ZNF354C: variants seen among roughly 807,000 people sequenced by gnomAD.
The protein encoded by ZNF354C is zinc finger protein 354C, also known as KRAB-zinc finger protein synten.
ZNF354C carries 7 observed loss-of-function variants against 12.4 expected under a neutral mutation model. The ratio of observed to expected loss-of-function variants is 0.56; its 90% CI spans 0.32 to 1.06. The LOEUF is 1.06. ZNF354C is among the 50% of genes least tolerant of loss of function. ZNF354C has a pLI of 0.04. For missense variants in ZNF354C, 609 were observed against 658.0 expected (o/e 0.93, Z 0.81); for synonymous variants, 202 against 224.5 (o/e 0.90, Z 0.90).
chr5:179,076,065 C>T (rs967042804), intron 2 of ZNF354C, among the ~76,000 whole-genome samples: 12 of 152,146 alleles, frequency 7.9e-5, no homozygotes, highest in Non-Finnish European at 1.6e-4. Flanking sequence ...CCCTTTTCAC[C>T]GTCTAGTGGT....
At chr5:179,077,268 G>C (rs191067555) in intron 4 of ZNF354C, 102 bp downstream of exon 4, 2 of 867,622 alleles carry the variant, frequency 2.3e-6, no homozygotes, top group Middle Eastern at 2.2e-4. Flanking sequence ...GAGTCCTCTT[G>C]AGATGCTCAG....
At chr5:179,071,900 T>G (rs1762057550) in intron 2 of ZNF354C, among the ~76,000 whole-genome samples, 1 of 152,084 alleles carries the variant, frequency 6.6e-6, no homozygotes, top group African/African-American at 2.4e-5. Context: ...TGCTGCCCAC[T>G]AGAGAGGTGG....
chr5:179,061,149 C>G (rs1047439816), intron 1 of ZNF354C, among the ~76,000 whole-genome samples: 1 of 152,258 alleles, frequency 6.6e-6, no homozygotes, highest in African/African-American at 2.4e-5. Flanking sequence ...CTGGTCGAGG[C>G]ACCCGCTGGA....
At position 179,080,290 on chromosome 5, in the gene ZNF354C, C is replaced by T. The variant is rs1762209632; in HGVS notation, c.*193C>T. On this transcript the variant is annotated 3_prime_UTR_variant, in exon 5 of 5. Transcript: ENST00000315475. ...TTAAATTTTAAAAGAACCATAAATT[C>T]TAAGGTATCTAAAAACCTATGAGTA... 1 of 376,894 alleles carries T rather than the reference C, an allele frequency of 2.7e-6. No individual in the cohort carries two copies. Among genetic ancestry groups the T allele is most frequent in the Non-Finnish European group, 4.7e-6 (1 of 212,598 alleles). The allele number at this position is 376,894 out of a possible 1,614,324, so 23.3% of individuals were successfully genotyped here.
rs1456991762 is a variant in ZNF354C at position 179,082,384 on chromosome 5, A to G, written c.*2287A>G. ...CTAGACTTATCTTCCTGTTTAAAGA[A>G]ATACAGGAATAGAGGAACAAGTTGA... On this transcript the variant is annotated 3_prime_UTR_variant, in exon 5 of 5. Coordinates refer to ENST00000315475, the MANE Select transcript of ZNF354C (RefSeq NM_014594.3). 1 of 312,626 alleles carries G rather than the reference A, an allele frequency of 3.2e-6. No individual in the cohort carries two copies. Among genetic ancestry groups the G allele is most frequent in the East Asian group, 6.9e-5 (1 of 14,542 alleles). The allele number at this position is 312,626 out of a possible 1,614,324, so 19.4% of individuals were successfully genotyped here.
At chr5:179,076,297 C>T (rs1762120170) in intron 2 of ZNF354C, 148 bp from the exon 3 acceptor site, 5 of 1,133,272 alleles carry the variant, frequency 4.4e-6, no homozygotes, top group Non-Finnish European at 6.4e-6. Context: ...AATTAAATAG[C>T]TAATGGGTGG....
chr5:179,068,346 G>T (rs1448207749), intron 2 of ZNF354C, among the ~76,000 whole-genome samples: 1 of 152,110 alleles, frequency 6.6e-6, no homozygotes, highest in Non-Finnish European at 1.5e-5. Context: ...GTGTTCTTTT[G>T]CATCCTTTCT....
intron 2 of ZNF354C, among the ~76,000 whole-genome samples, chr5:179,064,510 G>A (rs1282580542): frequency 6.6e-6 from 1 of 151,868 alleles, no homozygotes; most frequent in Admixed American, 6.6e-5. Flanking sequence ...TCCGCCTCCC[G>A]GGTTCACGCC....
intron 2 of ZNF354C, among the ~76,000 whole-genome samples, chr5:179,074,853 T>C (rs191163216): frequency 9.5e-4 from 144 of 152,318 alleles, no homozygotes; most frequent in African/African-American, 3.3e-3. Flanking sequence ...TTGCATTCTA[T>C]GTGAAACGAT....
In ZNF354C at chr5:179,077,075, T is replaced by A; in HGVS notation, c.159T>A (p.Ile53=). 6.2e-7 allele frequency: 1 copy of A among 1,614,136 alleles called. No individual in the cohort carries two copies. The highest frequency in any genetic ancestry group is 8.5e-7 in the Non-Finnish European group (1 of 1,179,976). The change falls in exon 4 of 5, where the codon ATT becomes ATA. Residue 53 remains isoleucine (I), a synonymous_variant. Coordinates refer to ENST00000315475, the MANE Select transcript of ZNF354C (RefSeq NM_014594.3). The part of the protein sequence containing the change: ...ENYSSLVSLG[I]PFSMPKLIHQ... Reference sequence around the variant, plus strand: ...CATTTGCTTCCTCATGAGCAGGGATTCCATTTTCAATGCCAAAGTTGATTC... The same window carrying A: ...CATTTGCTTCCTCATGAGCAGGGATACCATTTTCAATGCCAAAGTTGATTC...
At chr5:179,075,238 G>A (rs895179421) in intron 2 of ZNF354C, among the ~76,000 whole-genome samples, 8 of 150,048 alleles carry the variant, frequency 5.3e-5, no homozygotes, top group Admixed American at 1.3e-4. Flanking sequence ...TAGCCTGGGC[G>A]ACAGAGTGAG....
intron 2 of ZNF354C, among the ~76,000 whole-genome samples, chr5:179,075,560 T>C (rs931827988): frequency 5.3e-5 from 8 of 152,204 alleles, no homozygotes; most frequent in African/African-American, 1.9e-4. Flanking sequence ...AAGTAATAAG[T>C]GAAAGATTGC....
At position 179,082,399 on chromosome 5, in the gene ZNF354C, G is replaced by C. The variant is rs189871775; in HGVS notation, c.*2302G>C. 2 of 353,312 alleles carry C rather than the reference G, an allele frequency of 5.7e-6. No homozygotes were observed. The highest frequency in any genetic ancestry group is 1.1e-4 in the East Asian group (2 of 17,500). 21.9% of individuals were successfully genotyped at this position (353,312 alleles called of 1,614,324 possible). On this transcript the variant is annotated 3_prime_UTR_variant, in exon 5 of 5. Transcript: ENST00000315475. Reference sequence around the variant, plus strand: ...TGTTTAAAGAAATACAGGAATAGAGGAACAAGTTGAATTACACAGTATGGA... The same window carrying C: ...TGTTTAAAGAAATACAGGAATAGAGCAACAAGTTGAATTACACAGTATGGA...
intron 4 of ZNF354C, 59 bp from the exon 5 acceptor site, chr5:179,078,624 C>A: frequency 7.2e-7 from 1 of 1,389,714 alleles, no homozygotes; most frequent in South Asian, 1.4e-5. Flanking sequence ...TTTGTCTCAC[C>A]GATACATCAG....
chr5:179,064,439 CAG>C (rs1374319270), intron 2 of ZNF354C, among the ~76,000 whole-genome samples: 2 of 150,774 alleles, frequency 1.3e-5, no homozygotes, highest in Non-Finnish European at 3.0e-5. Context: ...TTTTTGGAGA[CAG>C]AGTCTTGCTC....
intron 2 of ZNF354C, among the ~76,000 whole-genome samples, chr5:179,068,236 T>A (rs945726031): frequency 4.6e-5 from 7 of 152,034 alleles, no homozygotes; most frequent in Admixed American, 4.6e-4. Flanking sequence ...GGATTGAGAA[T>A]TTTCCCATTA....
intron 4 of ZNF354C, 123 bp from the exon 5 acceptor site, chr5:179,078,560 G>A: frequency 1.3e-6 from 1 of 747,692 alleles, no homozygotes; most frequent in South Asian, 2.0e-5. Flanking sequence ...ATTCAAGTCA[G>A]CATTTGAAAT....
At chr5:179,076,194 G>A (rs1402596935) in intron 2 of ZNF354C, among the ~76,000 whole-genome samples, 2 of 152,198 alleles carry the variant, frequency 1.3e-5, no homozygotes, top group Admixed American at 1.3e-4. Flanking sequence ...TATTTAAATT[G>A]CCTGTTGGCA....
chr5:179,080,278 G>A lies in ZNF354C; in HGVS notation c.*181G>A. 1 of 405,592 alleles carries A rather than the reference G, an allele frequency of 2.5e-6. No individual in the cohort carries two copies. The highest frequency in any genetic ancestry group is 4.3e-6 in the Non-Finnish European group (1 of 230,470). 25.1% of individuals were successfully genotyped at this position (405,592 alleles called of 1,614,324 possible). ...AGCACTGACTTGTTAAATTTTAAAAGAACCATAAATTCTAAGGTATCTAAA... is the reference window on the plus strand; with the variant it reads ...AGCACTGACTTGTTAAATTTTAAAAAAACCATAAATTCTAAGGTATCTAAA... On this transcript the variant is annotated 3_prime_UTR_variant, in exon 5 of 5. Transcript: ENST00000315475.
Sources: gnomAD v4.1 joint callset for allele counts (sites outside exome capture counted in the v4.1 genomes callset) on GRCh38, gnomAD v4.1.1 for gene constraint, MANE v1.5 for transcripts, NCBI Gene and HGNC (gene_info 2026-07-23, HGNC 2026-07-21) for gene names.